SLC5A3: variants seen among roughly 807,000 people sequenced by gnomAD.
SLC5A3 encodes sodium/myo-inositol cotransporter.
Under a neutral mutation model 43.2 loss-of-function variants are expected in SLC5A3, and 10 were observed. That is an observed-to-expected ratio of 0.23 (90% CI 0.14 to 0.39). The LOEUF is 0.39. SLC5A3 is among the 10% of genes least tolerant of loss of function. The pLI is 1.00. For missense variants in SLC5A3, 608 were observed against 893.4 expected (o/e 0.68, Z 4.07); for synonymous variants, 349 against 322.0 (o/e 1.08, Z -0.90).
chr21:34,080,411 A>G (rs549020004), intron 1 of SLC5A3, among the ~76,000 whole-genome samples: 1 of 152,164 alleles, frequency 6.6e-6, no homozygotes, highest in Non-Finnish European at 1.5e-5. Flanking sequence ...AGTTGTGCAG[A>G]TTCTTATAAA....
chr21:34,077,149 G>A (rs1989351864), intron 1 of SLC5A3, among the ~76,000 whole-genome samples: 1 of 152,198 alleles, frequency 6.6e-6, no homozygotes, highest in South Asian at 2.1e-4. Flanking sequence ...AATGGTTGAA[G>A]CCCTTTGGTT....
Position 34,102,040 on chromosome 21 carries a change from G to T in SLC5A3, c.*4685G>T. 2.0e-6 allele frequency: 2 copies of T among 1,000,112 alleles called. No individual in the cohort carries two copies. Among genetic ancestry groups the T allele is most frequent in the Non-Finnish European group, 2.4e-6 (2 of 829,862 alleles). 62.0% of individuals were successfully genotyped at this position (1,000,112 alleles called of 1,614,324 possible). ...ACCCTTTTGTACTGGAACGTATGAG[G>T]CTGGATTGTGAAAAGGTAATCTTTC... On this transcript the variant is annotated 3_prime_UTR_variant, in exon 2 of 2. Coordinates refer to ENST00000381151, the MANE Select transcript of SLC5A3 (RefSeq NM_006933.7).
At position 34,084,970 on chromosome 21, in the gene SLC5A3, CCTTT is replaced by C. The variant is rs559461404; in HGVS notation, c.-336-9889_-336-9886del. Reference sequence around the variant, plus strand: ...TGAGAGTTGCAGACATCTTGACATACCTTTCTTAGGAATAAGGGCCTTCCTCCTA... The same window carrying C: ...TGAGAGTTGCAGACATCTTGACATACCTTAGGAATAAGGGCCTTCCTCCTA... On this transcript the variant is annotated intron_variant, in intron 1 of 1. Transcript: ENST00000381151. 1.7e-3 allele frequency among the ~76,000 whole-genome samples: 260 copies of C among 152,192 alleles called. 2 individuals carry two copies. The highest frequency in any genetic ancestry group is 6.0e-3 in the African/African-American group (251 of 41,516).
rs1481154333 is a variant in SLC5A3, at chr21:34,102,493, T to C, written c.*5138T>C. 1.0e-6 allele frequency: 1 copy of C among 1,000,208 alleles called. No homozygotes were observed. The highest frequency in any genetic ancestry group is 1.1e-4 in the East Asian group (1 of 8,822). 62.0% of individuals were successfully genotyped at this position (1,000,208 alleles called of 1,614,324 possible). On this transcript the variant is annotated 3_prime_UTR_variant, in exon 2 of 2. Coordinates refer to ENST00000381151, the MANE Select transcript of SLC5A3 (RefSeq NM_006933.7). ...CCTAACCATTGGCATATATAGTCTTTCACTCAGAAATAAACAAAAACTGTT... is the reference window on the plus strand; with the variant it reads ...CCTAACCATTGGCATATATAGTCTTCCACTCAGAAATAAACAAAAACTGTT...
At chr21:34,077,649 A>C (rs1569411710) in intron 1 of SLC5A3, among the ~76,000 whole-genome samples, 1 of 152,226 alleles carries the variant, frequency 6.6e-6, no homozygotes, top group Non-Finnish European at 1.5e-5. Context: ...GTTCTTATTA[A>C]AACAAACAGT....
chr21:34,101,130 C>T lies in SLC5A3; in HGVS notation c.*3775C>T. On this transcript the variant is annotated 3_prime_UTR_variant, in exon 2 of 2. Coordinates refer to ENST00000381151, the MANE Select transcript of SLC5A3 (RefSeq NM_006933.7). ...CCAGGACAAAATTTTCCTAAGAAAT[C>T]AGAAAAATGATTAAGTGAGATAAGT... 1 of 999,972 alleles carries T rather than the reference C, an allele frequency of 1.0e-6. No individual in the cohort carries two copies. The highest frequency in any genetic ancestry group is 1.2e-6 in the Non-Finnish European group (1 of 829,872). 61.9% of individuals were successfully genotyped at this position (999,972 alleles called of 1,614,324 possible).
chr21:34,076,394 C>T (rs1053669813), intron 1 of SLC5A3, among the ~76,000 whole-genome samples: 3 of 152,042 alleles, frequency 2.0e-5, no homozygotes, highest in Admixed American at 6.6e-5. Context: ...AAGTCAGTTG[C>T]GGGAATGCCC....
At position 34,100,909 on chromosome 21, in the gene SLC5A3, C is replaced by T; in HGVS notation, c.*3554C>T. ...ACTTGCTACTCAAAGGTTAGGTCTT[C>T]CCTGTTCCTGCTTGGCAGTGTTAAA... On this transcript the variant is annotated 3_prime_UTR_variant, in exon 2 of 2. Transcript: ENST00000381151. 1.0e-6 allele frequency: 1 copy of T among 1,000,148 alleles called. No individual in the cohort carries two copies. Among genetic ancestry groups the T allele is most frequent in the Non-Finnish European group, 1.2e-6 (1 of 829,932 alleles). The allele number at this position is 1,000,148 out of a possible 1,614,324, so 62.0% of individuals were successfully genotyped here.
rs1978333441 is a variant in SLC5A3 at position 34,085,599 on chromosome 21, A to AC, written c.-336-9263dup. On this transcript the variant is annotated intron_variant, in intron 1 of 1. Transcript: ENST00000381151. Reference sequence around the variant, plus strand: ...AGTAATTAGTGTATAAGAAATAAGGACTTTTTTTTTTTTTTTTTTGAGACT... The same window carrying AC: ...AGTAATTAGTGTATAAGAAATAAGGACCTTTTTTTTTTTTTTTTTTGAGACT... Among the ~76,000 whole-genome samples the AC allele has an allele frequency of 2.8e-5, 4 of 140,358 alleles. No individual in the cohort carries two copies. In the South Asian group the frequency reaches 8.9e-4, roughly 31 times the overall value. 92.1% of individuals were successfully genotyped at this position (140,358 alleles called of 152,430 possible).
In SLC5A3 at chr21:34,099,894, G is replaced by T; in HGVS notation, c.*2539G>T. On this transcript the variant is annotated 3_prime_UTR_variant, in exon 2 of 2. Coordinates refer to ENST00000381151, the MANE Select transcript of SLC5A3 (RefSeq NM_006933.7). Reference sequence around the variant, plus strand: ...CTTCCCAGTAATAGATAATGTGCTCGAGTAAGTTTGTGAATTGCTGATTGC... The same window carrying T: ...CTTCCCAGTAATAGATAATGTGCTCTAGTAAGTTTGTGAATTGCTGATTGC... 1.1e-5 allele frequency: 4 copies of T among 355,278 alleles called. No homozygotes were observed. The highest frequency in any genetic ancestry group is 1.7e-5 in the Non-Finnish European group (4 of 240,860). The allele number at this position is 355,278 out of a possible 1,614,324, so 22.0% of individuals were successfully genotyped here. A position where few individuals can be genotyped will look rare whatever the true frequency, so the allele number is the denominator to read the frequency against.
intron 1 of SLC5A3, among the ~76,000 whole-genome samples, chr21:34,079,043 G>T (rs1989398640): frequency 6.6e-6 from 1 of 152,232 alleles, no homozygotes; most frequent in Admixed American, 6.5e-5. Context: ...GGTTTGGAAA[G>T]TGACAGTTAA....
chr21:34,086,444 T>C (rs1031433769), intron 1 of SLC5A3, among the ~76,000 whole-genome samples: 1 of 152,134 alleles, frequency 6.6e-6, no homozygotes, highest in Non-Finnish European at 1.5e-5. Context: ...GGTGGTGATT[T>C]TTCTCATTAC....
chr21:34,083,972 T>G (rs1160703032), intron 1 of SLC5A3, among the ~76,000 whole-genome samples: 2 of 152,212 alleles, frequency 1.3e-5, no homozygotes, highest in Non-Finnish European at 2.9e-5. Context: ...TCCCTCTACT[T>G]GTCCTGTGTT....
Position 34,098,876 on chromosome 21 carries a change from T to C in SLC5A3, c.*1521T>C. On this transcript the variant is annotated 3_prime_UTR_variant, in exon 2 of 2. Transcript: ENST00000381151. ...AGATGAAGGAAGCAAATTATGTATG[T>C]ACTTTCTTTGACCTTCTTTAATCTC... is the stretch of plus-strand genomic sequence containing the variant. 5.0e-6 allele frequency: 5 copies of C among 999,858 alleles called. No homozygotes were observed. The highest frequency in any genetic ancestry group is 6.0e-6 in the Non-Finnish European group (5 of 829,550). 61.9% of individuals were successfully genotyped at this position (999,858 alleles called of 1,614,324 possible).
At chr21:34,086,838 A>AG (rs34299377) in intron 1 of SLC5A3, among the ~76,000 whole-genome samples, 152,258 of 152,260 alleles carry the variant, frequency 1, 76,128 homozygotes, top group Middle Eastern at 1. Context: ...GTGGAAGAGG[A>AG]TTCTTCATGA....
Position 34,104,424 on chromosome 21 carries a change from T to TAA in SLC5A3, c.*7071_*7072dup, listed in dbSNP as rs534040430. The stretch of plus-strand genomic sequence containing the variant: ...CAAGAATGAATGAATGTCTTTGTCT[T>TAA]AAATTTTGCCCATGTGTTAAAAGAT... On this transcript the variant is annotated 3_prime_UTR_variant, in exon 2 of 2. Transcript: ENST00000381151. The TAA allele has an allele frequency of 3.0e-6, 3 of 1,000,164 alleles. No individual in the cohort carries two copies. The Admixed American group carries it at 1.8e-4, about 61-fold the overall frequency. 62.0% of individuals were successfully genotyped at this position (1,000,164 alleles called of 1,614,324 possible).
Position 34,097,433 on chromosome 21 carries a change from C to G in SLC5A3, c.*78C>G. ...GGAAAAAAGTTATGTAACTGTGCAT[C>G]TCTCAGGCATTGTTTACGCTGTAGG... is the stretch of plus-strand genomic sequence containing the variant. On this transcript the variant is annotated 3_prime_UTR_variant, in exon 2 of 2. Transcript: ENST00000381151. 1 of 1,504,392 alleles carries G rather than the reference C, an allele frequency of 6.6e-7. No homozygotes were observed. Among genetic ancestry groups the G allele is most frequent in the African/African-American group, 1.4e-5 (1 of 71,310 alleles). The allele number at this position is 1,504,392 out of a possible 1,614,324, so 93.2% of individuals were successfully genotyped here.
intron 1 of SLC5A3, among the ~76,000 whole-genome samples, chr21:34,091,562 T>C (rs1190394123): frequency 6.6e-6 from 1 of 152,120 alleles, no homozygotes; most frequent in Admixed American, 6.5e-5. Context: ...CCTTTTTTTC[T>C]CTTTCTATTT....
chr21:34,098,776 T>A lies in SLC5A3; in HGVS notation c.*1421T>A. ...GCTAGTGGGTACAGGGTACAAAAGA[T>A]GTTAGAGAAAAGCTCTACAGATTAC... On this transcript the variant is annotated 3_prime_UTR_variant, in exon 2 of 2. Coordinates refer to ENST00000381151, the MANE Select transcript of SLC5A3 (RefSeq NM_006933.7). The A allele has an allele frequency of 1.0e-6, 1 of 1,000,242 alleles. No homozygotes were observed. Among genetic ancestry groups the A allele is most frequent in the African/African-American group, 1.7e-5 (1 of 57,352 alleles). 62.0% of individuals were successfully genotyped at this position (1,000,242 alleles called of 1,614,324 possible).
Sources: gnomAD v4.1 joint callset for allele counts (sites outside exome capture counted in the v4.1 genomes callset) on GRCh38, gnomAD v4.1.1 for gene constraint, MANE v1.5 for transcripts, NCBI Gene and HGNC (gene_info 2026-07-23, HGNC 2026-07-21) for gene names.